DDAH1: variants seen among roughly 807,000 people sequenced by gnomAD.
The protein encoded by DDAH1 is N(G),N(G)-dimethylarginine dimethylaminohydrolase 1.
A neutral mutation model predicts 28.8 loss-of-function variants in DDAH1; 19 were observed. That is an observed-to-expected ratio of 0.66 (90% CI 0.46 to 0.97). DDAH1 has a LOEUF of 0.97. Ranked by LOEUF, DDAH1 falls within the 50% of genes least tolerant of loss-of-function variation. DDAH1 has a pLI of 0.00. For missense variants in DDAH1, 326 were observed against 375.9 expected, an observed-to-expected ratio of 0.87 and a Z score of 1.10; for synonymous variants, 153 against 154.4, an observed-to-expected ratio of 0.99 and a Z score of 0.07.
intron 1 of DDAH1, among the ~76,000 whole-genome samples, chr1:85,540,729 G>C (rs1014702101): frequency 1.3e-5 from 2 of 151,884 alleles, no homozygotes; most frequent in Non-Finnish European, 2.9e-5. Context: ...AGGCTGAGGT[G>C]GGTGGATCAC....
intron 1 of DDAH1, among the ~76,000 whole-genome samples, chr1:85,382,309 C>T (rs1651036130): frequency 6.6e-6 from 1 of 152,082 alleles, no homozygotes; most frequent in Non-Finnish European, 1.5e-5. Context: ...TTCTCTTAAG[C>T]CAAAGCCTAA....
chr1:85,339,953 A>G (rs1343747037), intron 4 of DDAH1, among the ~76,000 whole-genome samples: 3 of 152,216 alleles, frequency 2.0e-5, no homozygotes, highest in African/African-American at 4.8e-5. Context: ...ATCTCAGCCC[A>G]TGAGACAGAA....
In DDAH1 at chr1:85,373,478, G is replaced by A. The variant is rs530710184; in HGVS notation, c.304-14631C>T. On this transcript the variant is annotated intron_variant, in intron 1 of 5. Coordinates refer to ENST00000284031, the MANE Select transcript of DDAH1 (RefSeq NM_012137.4). ...GGGTGGTTTCCCCCATGCTTTTCTC[G>A]TGACAATGAGTGAGTTCTCACGAGA... Among the ~76,000 whole-genome samples the A allele has an allele frequency of 2.0e-5, 3 of 152,126 alleles. No individual in the cohort carries two copies. The South Asian group carries it at 6.2e-4, about 32-fold the overall frequency.
At chr1:85,427,062 C>T (rs1653435639) in intron 1 of DDAH1, among the ~76,000 whole-genome samples, 1 of 151,820 alleles carries the variant, frequency 6.6e-6, no homozygotes, top group African/African-American at 2.4e-5. Flanking sequence ...AAATAAGTCT[C>T]AGAAAAGTTA....
chr1:85,360,195 T>C (rs11805470), intron 1 of DDAH1, among the ~76,000 whole-genome samples: 6,670 of 152,254 alleles, frequency 0.044, 511 homozygotes, highest in African/African-American at 0.15. Flanking sequence ...CTGACATTCA[T>C]GCATTCAAAA....
intron 1 of DDAH1, among the ~76,000 whole-genome samples, chr1:85,559,804 C>T (rs114307017): frequency 0.05 from 2,348 of 46,716 alleles, 59 homozygotes; most frequent in African/African-American, 0.19. Flanking sequence ...CAGAAAAAGA[C>T]TGAAAAAAAA....
intron 1 of DDAH1, among the ~76,000 whole-genome samples, chr1:85,364,336 T>A (rs1649948761): frequency 6.6e-6 from 1 of 152,196 alleles, no homozygotes; most frequent in African/African-American, 2.4e-5. Context: ...GATCTCTTCA[T>A]ATCAGAGATA....
chr1:85,338,393 T>A (rs1220258880), intron 4 of DDAH1, among the ~76,000 whole-genome samples: 2 of 152,218 alleles, frequency 1.3e-5, no homozygotes, highest in African/African-American at 4.8e-5. Context: ...TTATGCTTGA[T>A]TTTCCTTCAT....
intron 1 of DDAH1, among the ~76,000 whole-genome samples, chr1:85,553,100 T>C (rs939916135): frequency 2.0e-5 from 3 of 152,108 alleles, no homozygotes; most frequent in African/African-American, 7.2e-5. Context: ...TGTATTCCAA[T>C]AGATAGTCCC....
chr1:85,514,527 TA>T (rs34215001), intron 1 of DDAH1, among the ~76,000 whole-genome samples: 109,695 of 126,762 alleles, frequency 0.87, 47,144 homozygotes, highest in Middle Eastern at 0.92. Context: ...CTTAAAGCAT[TA>T]AAAAAAAAAA....
At chr1:85,456,832 G>T (rs931649833) in intron 1 of DDAH1, among the ~76,000 whole-genome samples, 8 of 152,122 alleles carry the variant, frequency 5.3e-5, no homozygotes, top group African/African-American at 1.9e-4. Flanking sequence ...AGAATATACT[G>T]ATAACTTACA....
chr1:85,479,930 T>C (rs765800332), intron 2 of DDAH1, among the ~76,000 whole-genome samples: 10 of 152,232 alleles, frequency 6.6e-5, no homozygotes, highest in African/African-American at 1.2e-4. Flanking sequence ...TACTGAAATC[T>C]AAGAAGATAA....
intron 1 of DDAH1, among the ~76,000 whole-genome samples, chr1:85,363,906 CTTTT>C (rs71819142): frequency 7.7e-6 from 1 of 130,608 alleles, no homozygotes; most frequent in Non-Finnish European, 1.6e-5. Context: ...TGGATGTCAA[CTTTT>C]TTTTTTTTTT....
At chr1:85,498,357 T>A (rs907880261) in intron 1 of DDAH1, among the ~76,000 whole-genome samples, 3 of 152,364 alleles carry the variant, frequency 2.0e-5, no homozygotes, top group Admixed American at 6.5e-5. Flanking sequence ...TTTATTTCAT[T>A]TCTTTTAAAG....
intron 1 of DDAH1, among the ~76,000 whole-genome samples, chr1:85,366,149 A>C (rs947041686): frequency 3.3e-5 from 5 of 152,104 alleles, no homozygotes; most frequent in Non-Finnish European, 7.4e-5. Context: ...CCTTAGTCCT[A>C]CAAAAATGGT....
chr1:85,519,298 G>C (rs1168591500), intron 1 of DDAH1, among the ~76,000 whole-genome samples: 9 of 151,882 alleles, frequency 5.9e-5, no homozygotes, highest in Non-Finnish European at 1.2e-4. Context: ...GGGTTTCACC[G>C]TGTTAGCCAG....
chr1:85,483,835 C>T (rs557814213), intron 2 of DDAH1, among the ~76,000 whole-genome samples: 16 of 152,228 alleles, frequency 1.1e-4, no homozygotes, highest in Admixed American at 3.9e-4. Flanking sequence ...CAGCCCAACA[C>T]TCGCTCTGAT....
At chr1:85,403,489 GCAATTTTT>G (rs1301545431) in intron 1 of DDAH1, among the ~76,000 whole-genome samples, 1 of 152,038 alleles carries the variant, frequency 6.6e-6, no homozygotes, top group African/African-American at 2.4e-5. Context: ...TGGAGCATTT[GCAATTTTT>G]CAATTGGAAC....
chr1:85,463,163 A>G (rs1446286710), intron 1 of DDAH1, among the ~76,000 whole-genome samples: 5 of 152,254 alleles, frequency 3.3e-5, no homozygotes, highest in Non-Finnish European at 5.9e-5. Context: ...CACCAGGCTG[A>G]TATCAGAATT....
Sources: gnomAD v4.1 joint callset for allele counts (sites outside exome capture counted in the v4.1 genomes callset) on GRCh38, gnomAD v4.1.1 for gene constraint, MANE v1.5 for transcripts, NCBI Gene and HGNC (gene_info 2026-07-23, HGNC 2026-07-21) for gene names.